EXOC6B: variants seen among roughly 807,000 people sequenced by gnomAD.
EXOC6B encodes the protein exocyst complex component 6B, also known as SEC15 homolog B.
EXOC6B carries 54 observed loss-of-function variants against 113.5 expected under a neutral mutation model. The observed-to-expected ratio is 0.48, with a 90% confidence interval of 0.38 to 0.60. EXOC6B has a LOEUF of 0.60. Among genes scored for constraint, EXOC6B ranks in the 20% least tolerant of loss-of-function variants. EXOC6B has a pLI of 0.00. For synonymous variants in EXOC6B, 357 were observed against 339.0 expected, an observed-to-expected ratio of 1.05 and a Z score of -0.58; for missense variants, 797 against 977.5, an observed-to-expected ratio of 0.82 and a Z score of 2.46.
intron 19 of EXOC6B, among the ~76,000 whole-genome samples, chr2:72,338,369 G>A (rs1425128887): frequency 6.6e-6 from 1 of 152,026 alleles, no homozygotes; most frequent in African/African-American, 2.4e-5. Context: ...AGGGCTGGTA[G>A]CTCAAAAAAG....
intron 17 of EXOC6B, among the ~76,000 whole-genome samples, chr2:72,467,363 C>A (rs147449701): frequency 1.3e-5 from 2 of 152,268 alleles, no homozygotes; most frequent in African/African-American, 4.8e-5. Flanking sequence ...AGTGGGATTG[C>A]TGAAACATAT....
At chr2:72,180,975 C>G (rs567457113) in intron 21 of EXOC6B, among the ~76,000 whole-genome samples, 1 of 151,950 alleles carries the variant, frequency 6.6e-6, no homozygotes, top group Non-Finnish European at 1.5e-5. Context: ...TTTGGGAGGC[C>G]GAGGCGGGTG....
At chr2:72,430,155 T>G (rs1325696466) in intron 18 of EXOC6B, among the ~76,000 whole-genome samples, 1 of 152,222 alleles carries the variant, frequency 6.6e-6, no homozygotes, top group African/African-American at 2.4e-5. Flanking sequence ...CTTTTCATCT[T>G]ATTACTTACA....
intron 7 of EXOC6B, among the ~76,000 whole-genome samples, chr2:72,565,613 C>T (rs1434209144): frequency 6.6e-6 from 1 of 151,410 alleles, no homozygotes; most frequent in African/African-American, 2.4e-5. Flanking sequence ...AGAAAAAAAC[C>T]AAAATCATTC....
chr2:72,627,760 C>T (rs1370728022), intron 6 of EXOC6B, among the ~76,000 whole-genome samples: 1 of 152,088 alleles, frequency 6.6e-6, no homozygotes, highest in Non-Finnish European at 1.5e-5. Context: ...GAAATTAACT[C>T]GCAAGAAATT....
At chr2:72,686,570 T>C (rs941562729) in intron 6 of EXOC6B, among the ~76,000 whole-genome samples, 6 of 152,172 alleles carry the variant, frequency 3.9e-5, no homozygotes, top group African/African-American at 1.4e-4. Flanking sequence ...AGAATTAGTG[T>C]TCTGTTTTGA....
At chr2:72,470,778 C>G (rs1698357737) in intron 17 of EXOC6B, among the ~76,000 whole-genome samples, 1 of 146,184 alleles carries the variant, frequency 6.8e-6, no homozygotes, top group African/African-American at 2.8e-5. Context: ...TCATCCATGT[C>G]CCTACAAAGG....
chr2:72,370,850 T>C (rs1467586562), intron 19 of EXOC6B, among the ~76,000 whole-genome samples: 1 of 118,134 alleles, frequency 8.5e-6, no homozygotes, highest in Non-Finnish European at 1.7e-5. Flanking sequence ...CATCACACAC[T>C]GGGGCCTGTT....
intron 8 of EXOC6B, among the ~76,000 whole-genome samples, chr2:72,518,951 G>A (rs1701354455): frequency 6.6e-6 from 1 of 152,064 alleles, no homozygotes; most frequent in Non-Finnish European, 1.5e-5. Flanking sequence ...AGGAAAGAAG[G>A]CTGATACAAA....
chr2:72,217,531 G>A (rs1314232704), intron 20 of EXOC6B, among the ~76,000 whole-genome samples: 1 of 152,172 alleles, frequency 6.6e-6, no homozygotes, highest in Non-Finnish European at 1.5e-5. Flanking sequence ...TGCCAACAAA[G>A]TAAGAAAGAA....
rs1481626437 is a variant in EXOC6B at position 72,401,646 on chromosome 2, C to CGT, written c.1981-21777_1981-21776insAC. On this transcript the variant is annotated intron_variant, in intron 18 of 21. Transcript: ENST00000272427. Reference sequence around the variant, plus strand: ...ACATATATATATATATACATATATACATATATATATATATATATATGTATA... The same window carrying CGT: ...ACATATATATATATATACATATATACGTATATATATATATATATATATGTATA... Among the ~76,000 whole-genome samples, 61 of 20,692 alleles carry CGT rather than the reference C, an allele frequency of 2.9e-3. 5 individuals carry two copies. The highest frequency in any genetic ancestry group is 0.019 in the African/African-American group (59 of 3,086). The allele number at this position is 20,692 out of a possible 152,430, so 13.6% of individuals were successfully genotyped here. A position where few individuals can be genotyped will look rare whatever the true frequency, so the allele number is the denominator to read the frequency against.
At chr2:72,406,860 G>A (rs980875987) in intron 18 of EXOC6B, among the ~76,000 whole-genome samples, 5 of 152,096 alleles carry the variant, frequency 3.3e-5, no homozygotes, top group African/African-American at 7.2e-5. Flanking sequence ...GATCAGAGCA[G>A]AACTGAAGGA....
chr2:72,658,630 T>G (rs1471046060), intron 6 of EXOC6B, among the ~76,000 whole-genome samples: 1 of 152,062 alleles, frequency 6.6e-6, no homozygotes, highest in Non-Finnish European at 1.5e-5. Flanking sequence ...ATTTGAATGT[T>G]ATCATTCTAA....
chr2:72,540,201 G>A (rs1702522747), intron 8 of EXOC6B, among the ~76,000 whole-genome samples: 1 of 151,810 alleles, frequency 6.6e-6, no homozygotes, highest in Non-Finnish European at 1.5e-5. Flanking sequence ...ATCATTGTTG[G>A]ACATTTGGGT....
chr2:72,610,441 A>C (rs1471176577), intron 6 of EXOC6B, among the ~76,000 whole-genome samples: 2 of 152,196 alleles, frequency 1.3e-5, no homozygotes, highest in African/African-American at 4.8e-5. Flanking sequence ...TTAGTGCTAC[A>C]TGGAAAAGAA....
chr2:72,666,965 C>A (rs1297634358), intron 6 of EXOC6B, among the ~76,000 whole-genome samples: 1 of 151,992 alleles, frequency 6.6e-6, no homozygotes, highest in Admixed American at 6.6e-5. Flanking sequence ...CGGGTTCAAG[C>A]GATTCTCCTG....
intron 20 of EXOC6B, among the ~76,000 whole-genome samples, chr2:72,212,840 G>A (rs1035582128): frequency 1.3e-5 from 2 of 152,196 alleles, no homozygotes; most frequent in Non-Finnish European, 2.9e-5. Context: ...GCACTTGAAG[G>A]AGAACCTTAA....
At chr2:72,710,691 C>T (rs1679216974) in intron 6 of EXOC6B, among the ~76,000 whole-genome samples, 1 of 152,074 alleles carries the variant, frequency 6.6e-6, no homozygotes, top group African/African-American at 2.4e-5. Context: ...GTCAATAGTA[C>T]TGTGCCAGAT....
At chr2:72,452,546 G>A (rs1279282558) in intron 18 of EXOC6B, among the ~76,000 whole-genome samples, 1 of 152,160 alleles carries the variant, frequency 6.6e-6, no homozygotes. Context: ...ACCTCATGGG[G>A]AAAACAGGTG....
Sources: gnomAD v4.1 joint callset for allele counts (sites outside exome capture counted in the v4.1 genomes callset) on GRCh38, gnomAD v4.1.1 for gene constraint, MANE v1.5 for transcripts, NCBI Gene and HGNC (gene_info 2026-07-23, HGNC 2026-07-21) for gene names.